SLC1A7: variants seen among roughly 807,000 people sequenced by gnomAD.
SLC1A7 encodes the protein solute carrier family 1 member 7, also known as excitatory amino acid transporter 5.
SLC1A7 carries 40 observed loss-of-function variants against 47.7 expected under a neutral mutation model. That is an observed-to-expected ratio of 0.84 (90% CI 0.65 to 1.09). The LOEUF (loss-of-function observed/expected upper bound fraction) is 1.09. Ranked by LOEUF, SLC1A7 falls within the 50% of genes least tolerant of loss-of-function variation. The pLI is 0.00. For missense variants in SLC1A7, 746 were observed against 769.5 expected (o/e 0.97, Z 0.36); for synonymous variants, 323 against 325.6 (o/e 0.99, Z 0.09).
chr1:53,113,835 G>A (rs963306399), intron 3 of SLC1A7, among the ~76,000 whole-genome samples: 2 of 152,146 alleles, frequency 1.3e-5, no homozygotes, highest in Non-Finnish European at 2.9e-5. Context: ...CACCCCTTCT[G>A]CTGTGTCACA....
Position 53,134,381 on chromosome 1 carries a change from T to A in SLC1A7, c.184A>T (p.Lys62Ter), listed in dbSNP as rs772873281. Residue 62 changes from lysine to a stop codon, truncating the protein, a stop_gained, in exon 2 of 11, where the codon AAG (lysine) becomes TAG (stop). Coordinates refer to ENST00000371494, the MANE Select transcript of SLC1A7 (RefSeq NM_006671.6). LOFTEE classifies it high-confidence loss of function. ...FPGELLMRML[K>*]MMILPLVVSS... ...ACCACCAGTGGCAGGATCATCATCT[T>A]CAGCATCCTCATCAGGAGCTCTCCA... is the stretch of plus-strand genomic sequence containing the variant. The A allele has an allele frequency of 3.7e-6, 6 of 1,613,536 alleles. No individual in the cohort carries two copies. In the South Asian group the frequency reaches 6.6e-5, roughly 18 times the overall value.
At chr1:53,105,935 C>T (rs892757067) in intron 3 of SLC1A7, among the ~76,000 whole-genome samples, 161 bp from the exon 4 acceptor site, 9 of 152,096 alleles carry the variant, frequency 5.9e-5, no homozygotes, top group Admixed American at 1.3e-4. Flanking sequence ...CACTCCACAG[C>T]GCCAGCACCT....
intron 2 of SLC1A7, among the ~76,000 whole-genome samples, chr1:53,130,715 G>A (rs2150343580): frequency 6.6e-6 from 1 of 152,222 alleles, no homozygotes; most frequent in African/African-American, 2.4e-5. Flanking sequence ...TGGACCCTTT[G>A]GGGTTCTAGC....
chr1:53,116,841 A>G (rs1644767484), intron 2 of SLC1A7, among the ~76,000 whole-genome samples: 1 of 152,120 alleles, frequency 6.6e-6, no homozygotes, highest in South Asian at 2.1e-4. Flanking sequence ...GTGCATTCAA[A>G]CCTTTCGCAC....
intron 3 of SLC1A7, among the ~76,000 whole-genome samples, chr1:53,110,727 A>C (rs182921624): frequency 6.6e-6 from 1 of 152,242 alleles, no homozygotes; most frequent in African/African-American, 2.4e-5. Flanking sequence ...GGTTTCTTGA[A>C]GTTCCTCTTT....
Position 53,135,047 on chromosome 1 carries a change from G to A in SLC1A7, c.136-618C>T, listed in dbSNP as rs953920111. On this transcript the variant is annotated intron_variant, in intron 1 of 10. Transcript: ENST00000371494. ...CTGCTCTGCCTCACAGGGTCATTGGGGGGCTTAAACGGGAGAATGCACGCA... is the reference window on the plus strand; with the variant it reads ...CTGCTCTGCCTCACAGGGTCATTGGAGGGCTTAAACGGGAGAATGCACGCA... 4.6e-5 allele frequency among the ~76,000 whole-genome samples: 7 copies of A among 152,166 alleles called. No individual in the cohort carries two copies. In the East Asian group the frequency reaches 7.7e-4, roughly 17 times the overall value.
At chr1:53,119,108 G>A (rs527762639) in intron 2 of SLC1A7, among the ~76,000 whole-genome samples, 22 of 152,240 alleles carry the variant, frequency 1.4e-4, no homozygotes, top group African/African-American at 4.1e-4. Flanking sequence ...CCTCTGACTC[G>A]TGGCTGTTGT....
chr1:53,136,114 T>A (rs1167745023), intron 1 of SLC1A7, among the ~76,000 whole-genome samples: 1 of 149,992 alleles, frequency 6.7e-6, no homozygotes, highest in Non-Finnish European at 1.5e-5. Flanking sequence ...AAAATCTGCT[T>A]TTTAAAGAAA....
rs1644925807 is a variant in SLC1A7, at chr1:53,129,935, G to A, written c.215+4415C>T. Among the ~76,000 whole-genome samples, 3 of 152,136 alleles carry A rather than the reference G, an allele frequency of 2.0e-5. 1 individual carries two copies. The highest frequency in any genetic ancestry group is 2.1e-4 in the South Asian group (1 of 4,804). On this transcript the variant is annotated intron_variant, in intron 2 of 10. Coordinates refer to ENST00000371494, the MANE Select transcript of SLC1A7 (RefSeq NM_006671.6). ...CGACCCTGCCCACGGAGGGGGCCAT[G>A]CCGCTGGCCCGACCCCTTGACAGTG...
chr1:53,093,094 A>C (rs1443306811), intron 6 of SLC1A7, among the ~76,000 whole-genome samples: 2 of 152,248 alleles, frequency 1.3e-5, no homozygotes, highest in African/African-American at 4.8e-5. Context: ...TGCGTTCCCC[A>C]CTGAGCTCCT....
chr1:53,087,920 T>C lies in SLC1A7; in HGVS notation c.*89A>G. ...GAGAAGAATGTGTGATCCTGGCCCC[T>C]GCCGGCTGCTCAGGAGGGTTGGAGA... On this transcript the variant is annotated 3_prime_UTR_variant, in exon 11 of 11. Transcript: ENST00000371494. The C allele has an allele frequency of 2.9e-6, 2 of 686,240 alleles. No homozygotes were observed. Among genetic ancestry groups the C allele is most frequent in the East Asian group, 6.1e-5 (2 of 32,546 alleles). 42.5% of individuals were successfully genotyped at this position (686,240 alleles called of 1,614,324 possible).
At chr1:53,136,617 T>TAAAC (rs1422496982) in intron 1 of SLC1A7, among the ~76,000 whole-genome samples, 124 of 133,996 alleles carry the variant, frequency 9.3e-4, no homozygotes, top group Middle Eastern at 4.0e-3. Context: ...ATATAATATA[T>TAAAC]ATAAACATAT....
chr1:53,142,358 C>G lies in SLC1A7; in HGVS notation c.92G>C (p.Cys31Ser), dbSNP rs1645066595. ...ILSVLSVIVG[C>S]LLGFFLRTRR... The stretch of plus-strand genomic sequence containing the variant: ...GGTCCTCAAGAAGAAGCCGAGGAGG[C>G]AGCCCACGATGACAGACAGCACAGA... The change falls in exon 1 of 11, where the codon TGC becomes TCC. Residue 31 changes from cysteine (C) to serine (S), a missense_variant. Transcript: ENST00000371494. The G allele has an allele frequency of 1.3e-6, 2 of 1,586,432 alleles. No homozygotes were observed. The highest frequency in any genetic ancestry group is 1.7e-6 in the Non-Finnish European group (2 of 1,165,850).
At chr1:53,101,749 CCTCA>C (rs1644584847) in intron 5 of SLC1A7, among the ~76,000 whole-genome samples, 7 of 146,744 alleles carry the variant, frequency 4.8e-5, no homozygotes, top group Non-Finnish European at 6.1e-5. Context: ...ATACACCCTG[CCTCA>C]GTACACTCAC....
At chr1:53,109,634 C>G (rs1325343389) in intron 3 of SLC1A7, among the ~76,000 whole-genome samples, 1 of 152,170 alleles carries the variant, frequency 6.6e-6, no homozygotes, top group South Asian at 2.1e-4. Context: ...AGTTCTCTTC[C>G]TGGTCATCAG....
intron 2 of SLC1A7, among the ~76,000 whole-genome samples, chr1:53,133,860 A>G (rs1418125360): frequency 6.7e-6 from 1 of 148,298 alleles, no homozygotes; most frequent in Non-Finnish European, 1.5e-5. Context: ...CATACACAAC[A>G]TATAGTCTTC....
At chr1:53,119,734 C>T (rs182695727) in intron 2 of SLC1A7, among the ~76,000 whole-genome samples, 1 of 152,202 alleles carries the variant, frequency 6.6e-6, no homozygotes, top group East Asian at 1.9e-4. Flanking sequence ...TGGTAATGAG[C>T]CTCAGATTTG....
chr1:53,133,722 A>G (rs1644963562), intron 2 of SLC1A7, among the ~76,000 whole-genome samples: 1 of 152,100 alleles, frequency 6.6e-6, no homozygotes, highest in South Asian at 2.1e-4. Flanking sequence ...CCCGCACCCT[A>G]CTGGGTAAGG....
At chr1:53,094,078 G>C (rs545629946) in intron 5 of SLC1A7, among the ~76,000 whole-genome samples, 1 of 152,226 alleles carries the variant, frequency 6.6e-6, no homozygotes, top group East Asian at 1.9e-4. Context: ...AGCCATCCCC[G>C]ATCCCCTTTG....
Sources: allele counts gnomAD v4.1 joint callset (sites outside exome capture counted in the v4.1 genomes callset), GRCh38; gene constraint gnomAD v4.1.1; transcripts MANE v1.5; gene names NCBI Gene and HGNC (gene_info 2026-07-23, HGNC 2026-07-21).